Variants in DLG2 observed in about 807,000 individuals in gnomAD.
DLG2 encodes disks large homolog 2.
DLG2 carries 45 observed loss-of-function variants against 132.5 expected under a neutral mutation model. The observed-to-expected ratio is 0.34, with a 90% CI of 0.27 to 0.44. The LOEUF is 0.44. DLG2 is among the 20% of genes least tolerant of loss of function. The probability of loss-of-function intolerance (pLI) is 1.00; values close to 1 mark genes in which losing one functional copy is unlikely to be tolerated. For synonymous variants in DLG2, 424 were observed against 419.6 expected (o/e 1.01, Z -0.13); for missense variants, 1,045 against 1,196.9 (o/e 0.87, Z 1.87).
At chr11:83,689,828 C>T (rs1337695837) in intron 18 of DLG2, among the ~76,000 whole-genome samples, 6 of 150,658 alleles carry the variant, frequency 4.0e-5, no homozygotes, top group Admixed American at 1.3e-4. Context: ...TGCTTGCTGA[C>T]ACCATCATTT....
intron 18 of DLG2, among the ~76,000 whole-genome samples, chr11:83,710,167 T>A (rs924259933): frequency 1.5e-5 from 1 of 67,260 alleles, no homozygotes; most frequent in African/African-American, 1.2e-4. Context: ...AATAAGGTAC[T>A]TTTTTTTTTT....
In DLG2 at chr11:84,174,739, G is replaced by C. The variant is rs4944468; in HGVS notation, c.574-11228C>G. Among the ~76,000 whole-genome samples the C allele has an allele frequency of 1.3e-5, 2 of 151,944 alleles. 1 individual carries two copies. The highest frequency in any genetic ancestry group is 4.8e-5 in the African/African-American group (2 of 41,358). ...CCAACTAAAGACTGTCTTGTCCATC[G>C]AATCAAAAATATTTTTCTTATCGAT... On this transcript the variant is annotated intron_variant, in intron 8 of 27. Coordinates refer to ENST00000376104, the MANE Select transcript of DLG2 (RefSeq NM_001142699.3).
intron 6 of DLG2, among the ~76,000 whole-genome samples, chr11:84,541,363 C>T (rs545652559): frequency 7.2e-5 from 11 of 152,044 alleles, no homozygotes; most frequent in African/African-American, 9.6e-5. Flanking sequence ...ATTCTATCCC[C>T]GTCCCCGTTC....
At chr11:83,493,736 A>G (rs1201694077) in intron 21 of DLG2, among the ~76,000 whole-genome samples, 2 of 152,066 alleles carry the variant, frequency 1.3e-5, no homozygotes, top group Admixed American at 6.6e-5. Flanking sequence ...TCCCTAACCT[A>G]GTACCTGGCA....
chr11:85,054,468 C>T (rs2063249250), intron 6 of DLG2, among the ~76,000 whole-genome samples: 1 of 152,250 alleles, frequency 6.6e-6, no homozygotes, highest in East Asian at 1.9e-4. Flanking sequence ...GTGGAAATTT[C>T]TCAAAAAACT....
At chr11:83,592,047 C>T (rs1225912) in intron 19 of DLG2, among the ~76,000 whole-genome samples, 45,522 of 139,264 alleles carry the variant, frequency 0.33, 5,582 homozygotes, top group Admixed American at 0.42. Flanking sequence ...GAATCAATAT[C>T]GTGAAAATGG....
intron 3 of DLG2, among the ~76,000 whole-genome samples, chr11:85,584,360 G>C (rs1347820485): frequency 6.7e-6 from 1 of 150,194 alleles, no homozygotes; most frequent in Non-Finnish European, 1.5e-5. Context: ...GTGTGTGTGT[G>C]TGTGTGTGTG....
intron 6 of DLG2, among the ~76,000 whole-genome samples, chr11:85,074,064 A>G (rs2066208614): frequency 6.6e-6 from 1 of 151,796 alleles, no homozygotes; most frequent in African/African-American, 2.4e-5. Flanking sequence ...ACACAATGCA[A>G]AGAACAACAG....
chr11:85,023,641 A>AT (rs960163337), intron 6 of DLG2, among the ~76,000 whole-genome samples: 4 of 152,204 alleles, frequency 2.6e-5, no homozygotes, highest in African/African-American at 9.6e-5. Flanking sequence ...GAAAAAATCA[A>AT]TTATAAAACT....
At chr11:84,057,670 G>T (rs2096526590) in intron 11 of DLG2, among the ~76,000 whole-genome samples, 1 of 152,128 alleles carries the variant, frequency 6.6e-6, no homozygotes, top group Non-Finnish European at 1.5e-5. Flanking sequence ...GTAAATAATA[G>T]TACAGATAAC....
chr11:83,902,743 T>C (rs897257125), intron 15 of DLG2, among the ~76,000 whole-genome samples: 2 of 151,824 alleles, frequency 1.3e-5, no homozygotes, highest in Non-Finnish European at 2.9e-5. Context: ...CCCAGGAATA[T>C]AGGAAGGCAG....
chr11:85,123,751 G>A (rs963604435), intron 5 of DLG2, among the ~76,000 whole-genome samples: 10 of 152,182 alleles, frequency 6.6e-5, no homozygotes, highest in African/African-American at 2.4e-4. Context: ...GTTAGCTCGA[G>A]AACTGAATTA....
At chr11:84,136,463 G>C (rs138275134) in intron 9 of DLG2, among the ~76,000 whole-genome samples, 1 of 152,220 alleles carries the variant, frequency 6.6e-6, no homozygotes, top group Non-Finnish European at 1.5e-5. Flanking sequence ...TTTAGGAGCT[G>C]TTATTACATC....
At chr11:84,727,665 C>T (rs1789174) in intron 6 of DLG2, among the ~76,000 whole-genome samples, 151,852 of 152,276 alleles carry the variant, frequency 1, 75,729 homozygotes, top group Middle Eastern at 1. Context: ...GGAGATAGCA[C>T]TGAATCTATA....
At chr11:83,509,409 A>G (rs942306092) in intron 21 of DLG2, among the ~76,000 whole-genome samples, 1 of 152,228 alleles carries the variant, frequency 6.6e-6, no homozygotes, top group East Asian at 1.9e-4. Flanking sequence ...ACTGGAACCC[A>G]AATCTCTCCA....
intron 4 of DLG2, among the ~76,000 whole-genome samples, chr11:85,194,015 C>T (rs2080840490): frequency 6.6e-6 from 1 of 152,166 alleles, no homozygotes; most frequent in Admixed American, 6.5e-5. Context: ...GACTACTGGC[C>T]CCCAGGGCAG....
chr11:85,264,859 G>C (rs771093919), intron 4 of DLG2, among the ~76,000 whole-genome samples: 2 of 152,092 alleles, frequency 1.3e-5, no homozygotes, highest in African/African-American at 2.4e-5. Flanking sequence ...GTTCTAATTT[G>C]TTCTTAAAAT....
chr11:84,926,710 A>G (rs998269407), intron 6 of DLG2, among the ~76,000 whole-genome samples: 1 of 152,008 alleles, frequency 6.6e-6, no homozygotes, highest in African/African-American at 2.4e-5. Context: ...CACAATGAAC[A>G]ACTTATCCAA....
Position 85,022,513 on chromosome 11 carries a change from G to A in DLG2, c.357+89148C>T, listed in dbSNP as rs1042326119. 2.0e-5 allele frequency among the ~76,000 whole-genome samples: 3 copies of A among 152,100 alleles called. No individual in the cohort carries two copies. In the South Asian group the frequency reaches 6.2e-4, roughly 32 times the overall value. On this transcript the variant is annotated intron_variant, in intron 6 of 27. Coordinates refer to ENST00000376104, the MANE Select transcript of DLG2 (RefSeq NM_001142699.3). ...AACTAGGAACTATAAAACATAAGGA[G>A]GATACTATGTCACAAAAGCAAAGAA...
Sources: gnomAD v4.1 joint callset for allele counts (sites outside exome capture counted in the v4.1 genomes callset) on GRCh38, gnomAD v4.1.1 for gene constraint, MANE v1.5 for transcripts, NCBI Gene and HGNC (gene_info 2026-07-23, HGNC 2026-07-21) for gene names.